The following HS2ST1 variants were observed in gnomAD, a reference collection of about 807,000 sequenced individuals.
The protein encoded by HS2ST1 is 2-O-sulfotransferase.
In HS2ST1, 18 loss-of-function variants were observed where a neutral mutation model predicts 42.9. The ratio of observed to expected loss-of-function variants is 0.42; its 90% CI spans 0.29 to 0.62. The LOEUF is 0.62. Ranked by LOEUF, HS2ST1 falls within the 20% of genes least tolerant of loss-of-function variation. The pLI, the probability that HS2ST1 is intolerant of heterozygous loss-of-function variation, is 0.21. For missense variants in HS2ST1, 334 were observed against 433.8 expected (o/e 0.77, Z 2.04); for synonymous variants, 146 against 152.9 (o/e 0.95, Z 0.33).
At chr1:86,997,138 AAAG>A (rs896009788) in intron 1 of HS2ST1, among the ~76,000 whole-genome samples, 3 of 152,156 alleles carry the variant, frequency 2.0e-5, no homozygotes, top group African/African-American at 7.2e-5. Context: ...GATCAAGCAA[AAAG>A]AAGGAGTTTT....
chr1:87,004,633 G>A (rs1324629019), intron 1 of HS2ST1, among the ~76,000 whole-genome samples: 1 of 152,114 alleles, frequency 6.6e-6, no homozygotes, highest in African/African-American at 2.4e-5. Context: ...TTTTGTGCCA[G>A]TTTGAGTGTA....
intron 3 of HS2ST1, among the ~76,000 whole-genome samples, chr1:87,087,435 C>G (rs1247756912): frequency 6.6e-6 from 1 of 151,368 alleles, no homozygotes; most frequent in African/African-American, 2.5e-5. Flanking sequence ...GTAGTTGTCC[C>G]TAGAAATGAG....
chr1:87,028,336 A>G (rs1361358664), intron 1 of HS2ST1, among the ~76,000 whole-genome samples: 1 of 152,222 alleles, frequency 6.6e-6, no homozygotes, highest in African/African-American at 2.4e-5. Context: ...TGGTCTTCCA[A>G]TCGCCCTTCA....
intron 1 of HS2ST1, among the ~76,000 whole-genome samples, chr1:86,991,735 A>G (rs1270984412): frequency 6.6e-6 from 1 of 152,162 alleles, no homozygotes; most frequent in African/African-American, 2.4e-5. Flanking sequence ...CAAAATGGAG[A>G]TAAGACTTGT....
At chr1:87,090,627 A>G (rs1651916438) in intron 3 of HS2ST1, among the ~76,000 whole-genome samples, 2 of 151,998 alleles carry the variant, frequency 1.3e-5, no homozygotes, top group East Asian at 1.9e-4. Context: ...ACAGCAGCCA[A>G]TGACCTTTTA....
chr1:86,927,363 A>G (rs941753140), intron 1 of HS2ST1, among the ~76,000 whole-genome samples: 1 of 152,172 alleles, frequency 6.6e-6, no homozygotes, highest in South Asian at 2.1e-4. Flanking sequence ...TGAGTACTCT[A>G]AAGTGTCAAG....
Position 86,963,850 on chromosome 1 carries a change from C to T in HS2ST1, c.124+48690C>T, listed in dbSNP as rs1168663363. 2.0e-5 allele frequency among the ~76,000 whole-genome samples: 3 copies of T among 148,074 alleles called. No homozygotes were observed. The East Asian group carries it at 6.1e-4, about 30-fold the overall frequency. ...CCGGGCGGGGGCTGCCCCCCACCTC[C>T]CGCCCGGACGGGGTGGCTGGCCGGG... On this transcript the variant is annotated intron_variant, in intron 1 of 6. Transcript: ENST00000370550.
At chr1:87,082,023 TAAAC>T (rs1040084062) in intron 2 of HS2ST1, among the ~76,000 whole-genome samples, 6 of 148,450 alleles carry the variant, frequency 4.0e-5, no homozygotes, top group Non-Finnish European at 7.5e-5. Context: ...TTTGAAGAGA[TAAAC>T]AAAATCAAGA....
rs555626025 is a variant in HS2ST1, at chr1:87,004,397, A to T, written c.125-68537A>T. ...TGGAGGGAGACTCTGTCTCAAAACA[A>T]ATGAACAAATATATATATAAGCCTG... On this transcript the variant is annotated intron_variant, in intron 1 of 6. Coordinates refer to ENST00000370550, the MANE Select transcript of HS2ST1 (RefSeq NM_012262.4). Among the ~76,000 whole-genome samples, 394 of 152,302 alleles carry T rather than the reference A, an allele frequency of 2.6e-3. 2 individuals are homozygous for T. The highest frequency in any genetic ancestry group is 4.2e-3 in the Non-Finnish European group (284 of 68,034).
chr1:86,939,079 T>G (rs1660713878), intron 1 of HS2ST1, among the ~76,000 whole-genome samples: 1 of 152,206 alleles, frequency 6.6e-6, no homozygotes, highest in Non-Finnish European at 1.5e-5. Context: ...TTTCTTGTCA[T>G]GTAAAATGTG....
At chr1:86,930,105 A>AT (rs113706326) in intron 1 of HS2ST1, among the ~76,000 whole-genome samples, 36,139 of 151,648 alleles carry the variant, frequency 0.24, 5,073 homozygotes, top group African/African-American at 0.38. Flanking sequence ...TTTATCATAT[A>AT]TATTGCTGCT....
rs886531093 is a variant in HS2ST1, at chr1:87,101,944, T to A, written c.687-1488T>A. 3.9e-5 allele frequency among the ~76,000 whole-genome samples: 6 copies of A among 152,358 alleles called. No homozygotes were observed. The South Asian group carries it at 1.2e-3, about 32-fold the overall frequency. On this transcript the variant is annotated intron_variant, in intron 5 of 6. Coordinates refer to ENST00000370550, the MANE Select transcript of HS2ST1 (RefSeq NM_012262.4). ...GCACCAACATCTGTTTGGCTTATGA[T>A]GCAGGCCTCAGGAAGCTTACAATCA...
chr1:86,920,183 A>T (rs1660264614), intron 1 of HS2ST1, among the ~76,000 whole-genome samples: 1 of 152,242 alleles, frequency 6.6e-6, no homozygotes, highest in Non-Finnish European at 1.5e-5. Flanking sequence ...TGAGCACATT[A>T]GGAATAATCT....
intron 4 of HS2ST1, 43 bp from the exon 5 acceptor site, chr1:87,097,795 C>G: frequency 6.2e-7 from 1 of 1,610,566 alleles, no homozygotes; most frequent in South Asian, 1.1e-5. Context: ...ATAGGTGAGA[C>G]TTGGATTTAT....
At chr1:87,012,075 G>C (rs1649611670) in intron 1 of HS2ST1, among the ~76,000 whole-genome samples, 1 of 152,182 alleles carries the variant, frequency 6.6e-6, no homozygotes, top group East Asian at 1.9e-4. Context: ...AGTGCTTTCA[G>C]AGGATAGAAA....
intron 1 of HS2ST1, chr1:86,993,065 C>G: frequency 6.3e-7 from 1 of 1,589,138 alleles, no homozygotes; most frequent in Non-Finnish European, 8.6e-7. Context: ...GGGAAGGTCA[C>G]CAAGTCTTTC....
At chr1:87,070,927 A>G (rs1016948458) in intron 1 of HS2ST1, among the ~76,000 whole-genome samples, 56 of 152,050 alleles carry the variant, frequency 3.7e-4, no homozygotes, top group African/African-American at 1.2e-3. Flanking sequence ...TTGAACCTTT[A>G]TTCTCAACTG....
chr1:87,016,352 G>A (rs1433043855), intron 1 of HS2ST1, among the ~76,000 whole-genome samples: 1 of 152,132 alleles, frequency 6.6e-6, no homozygotes, highest in Non-Finnish European at 1.5e-5. Context: ...CTGGATGGGA[G>A]ACATCAGTTT....
In HS2ST1 at chr1:86,962,185, A is replaced by C. The variant is rs1647865546; in HGVS notation, c.124+47025A>C. Among the ~76,000 whole-genome samples, 3 of 152,212 alleles carry C rather than the reference A, an allele frequency of 2.0e-5. No individual in the cohort carries two copies. The South Asian group carries it at 6.2e-4, about 31-fold the overall frequency. ...TAGTGGCATGTTGCTAAATATTGAC[A>C]GACACAAAGATAAATTAAGCATGAT... On this transcript the variant is annotated intron_variant, in intron 1 of 6. Coordinates refer to ENST00000370550, the MANE Select transcript of HS2ST1 (RefSeq NM_012262.4).
Sources: gnomAD v4.1 joint callset for allele counts (sites outside exome capture counted in the v4.1 genomes callset) on GRCh38, gnomAD v4.1.1 for gene constraint, MANE v1.5 for transcripts, NCBI Gene and HGNC (gene_info 2026-07-23, HGNC 2026-07-21) for gene names.